SORCS1: variants seen among roughly 807,000 people sequenced by gnomAD.
SORCS1 encodes the protein VPS10 domain-containing receptor SorCS1.
Under a neutral mutation model 146.1 loss-of-function variants are expected in SORCS1, and 60 were observed. That is an observed-to-expected ratio of 0.41 (90% CI 0.33 to 0.51). SORCS1 has a LOEUF of 0.51. SORCS1 is among the 20% of genes least tolerant of loss of function. The pLI is 0.21. For synonymous variants in SORCS1, 637 were observed against 584.0 expected, an observed-to-expected ratio of 1.09 and a Z score of -1.31; for missense variants, 1,352 against 1,487.6, an observed-to-expected ratio of 0.91 and a Z score of 1.50.
intron 24 of SORCS1, among the ~76,000 whole-genome samples, chr10:106,596,432 T>C (rs1244512041): frequency 1.3e-5 from 2 of 152,252 alleles, no homozygotes; most frequent in Non-Finnish European, 2.9e-5. Flanking sequence ...TAAGTGCTTG[T>C]ATTATCATTG....
At chr10:106,696,801 T>C (rs1853738391) in intron 9 of SORCS1, among the ~76,000 whole-genome samples, 1 of 152,250 alleles carries the variant, frequency 6.6e-6, no homozygotes, top group South Asian at 2.1e-4. Flanking sequence ...TCTAAATTTG[T>C]CATTTTTTCA....
At chr10:106,856,503 A>T (rs1165656191) in intron 2 of SORCS1, among the ~76,000 whole-genome samples, 1 of 152,196 alleles carries the variant, frequency 6.6e-6, no homozygotes, top group Non-Finnish European at 1.5e-5. Context: ...TTATGGTCTG[A>T]CAGATCCCCA....
intron 1 of SORCS1, among the ~76,000 whole-genome samples, chr10:107,032,152 G>A (rs1440806780): frequency 6.6e-6 from 1 of 152,048 alleles, no homozygotes; most frequent in Non-Finnish European, 1.5e-5. Context: ...GTTGCCCTAA[G>A]CTGCATTCCA....
chr10:106,709,378 AG>A, intron 6 of SORCS1, 37 bp from the exon 7 acceptor site: 2 of 1,316,654 alleles, frequency 1.5e-6, no homozygotes, highest in Non-Finnish European at 2.2e-6. Flanking sequence ...CATGGGGTTG[AG>A]GGGGATATAC....
At chr10:107,159,968 G>A (rs1254885394) in intron 1 of SORCS1, among the ~76,000 whole-genome samples, 1 of 152,152 alleles carries the variant, frequency 6.6e-6, no homozygotes, top group East Asian at 1.9e-4. Context: ...TGAGCTGAAA[G>A]CTGAATGATC....
intron 18 of SORCS1, among the ~76,000 whole-genome samples, chr10:106,641,467 T>C (rs1322380493): frequency 5.9e-5 from 9 of 152,234 alleles, no homozygotes; most frequent in Admixed American, 4.6e-4. Context: ...GATATTCTTA[T>C]GCTAGAATTA....
Position 106,982,904 on chromosome 10 carries a change from T to C in SORCS1, c.559-26324A>G, listed in dbSNP as rs138394749. 2.0e-3 allele frequency among the ~76,000 whole-genome samples: 310 copies of C among 152,170 alleles called. 4 individuals are homozygous for C. The highest frequency in any genetic ancestry group is 7.0e-3 in the African/African-American group (290 of 41,562). ...CCTGATTAGTCCTGAAGGCAGCCTA[T>C]TGAGAGCTTTTTGATACCAGAGATC... On this transcript the variant is annotated intron_variant, in intron 1 of 25. Coordinates refer to ENST00000263054, the MANE Select transcript of SORCS1 (RefSeq NM_052918.5).
At position 106,579,349 on chromosome 10, in the gene SORCS1, G is replaced by A. The variant is rs369363224; in HGVS notation, c.3371+20C>T. On this transcript the variant is annotated intron_variant, in intron 25 of 25. Transcript: ENST00000263054. ...AGGAAGAGGTCAGGGGTGGGGGAAC[G>A]TGGATAGAGGGACACGCACCTTTTA... 2.4e-4 allele frequency: 380 copies of A among 1,613,914 alleles called. No homozygotes were observed. Among genetic ancestry groups the A allele is most frequent in the South Asian group, 4.0e-4 (36 of 91,080 alleles).
intron 3 of SORCS1, among the ~76,000 whole-genome samples, chr10:106,785,763 G>A (rs1946027620): frequency 6.6e-6 from 1 of 152,210 alleles, no homozygotes; most frequent in African/African-American, 2.4e-5. Context: ...TTAGTGAAGT[G>A]AGAATAGCCT....
intron 2 of SORCS1, among the ~76,000 whole-genome samples, chr10:106,935,951 T>C (rs1953688845): frequency 6.6e-6 from 1 of 152,230 alleles, no homozygotes; most frequent in South Asian, 2.1e-4. Flanking sequence ...CTTTGAAACT[T>C]GAGAATTAAA....
At chr10:106,906,957 T>C (rs1255563666) in intron 2 of SORCS1, among the ~76,000 whole-genome samples, 1 of 152,158 alleles carries the variant, frequency 6.6e-6, no homozygotes, top group African/African-American at 2.4e-5. Flanking sequence ...ATAAAGGTAT[T>C]ATAGACCTAA....
chr10:106,938,924 T>C (rs908710788), intron 2 of SORCS1, among the ~76,000 whole-genome samples: 1 of 152,220 alleles, frequency 6.6e-6, no homozygotes, highest in Non-Finnish European at 1.5e-5. Flanking sequence ...ATAGTCTCCA[T>C]GTTGTGACAT....
intron 21 of SORCS1, among the ~76,000 whole-genome samples, chr10:106,615,612 G>A (rs1279034023): frequency 6.6e-6 from 1 of 152,050 alleles, no homozygotes; most frequent in Non-Finnish European, 1.5e-5. Flanking sequence ...CCAGGAGTCT[G>A]AGACCAGCCT....
intron 2 of SORCS1, among the ~76,000 whole-genome samples, chr10:106,921,135 C>T (rs1952690620): frequency 6.6e-6 from 1 of 152,180 alleles, no homozygotes; most frequent in South Asian, 2.1e-4. Flanking sequence ...TTATCTCAGT[C>T]AAGTGTTATG....
intron 2 of SORCS1, among the ~76,000 whole-genome samples, chr10:106,946,353 T>A (rs531953081): frequency 1.3e-5 from 2 of 152,326 alleles, no homozygotes; most frequent in South Asian, 4.1e-4. Flanking sequence ...ACCCAAATCT[T>A]GTCTTGAATT....
intron 1 of SORCS1, among the ~76,000 whole-genome samples, chr10:107,024,475 T>C (rs977213017): frequency 2.0e-5 from 3 of 152,222 alleles, no homozygotes; most frequent in African/African-American, 7.2e-5. Context: ...GATCCAGATA[T>C]GTCCCATTAG....
chr10:106,915,835 C>T (rs1952394823), intron 2 of SORCS1, among the ~76,000 whole-genome samples: 1 of 152,060 alleles, frequency 6.6e-6, no homozygotes, highest in African/African-American at 2.4e-5. Context: ...CAAGTGAGAG[C>T]AACAAAGTAG....
chr10:106,733,338 T>G (rs1355039001), intron 5 of SORCS1, among the ~76,000 whole-genome samples: 2 of 152,202 alleles, frequency 1.3e-5, no homozygotes, highest in Non-Finnish European at 2.9e-5. Flanking sequence ...GCCTCACCCC[T>G]AGACCTGTGG....
intron 1 of SORCS1, among the ~76,000 whole-genome samples, chr10:106,992,025 G>A (rs1956789761): frequency 6.8e-6 from 1 of 147,024 alleles, no homozygotes; most frequent in Non-Finnish European, 1.5e-5. Flanking sequence ...GTTATAATGT[G>A]ACTCGTTGTG....
Sources: gnomAD v4.1 joint callset for allele counts (sites outside exome capture counted in the v4.1 genomes callset) on GRCh38, gnomAD v4.1.1 for gene constraint, MANE v1.5 for transcripts, NCBI Gene and HGNC (gene_info 2026-07-23, HGNC 2026-07-21) for gene names.